Variants in C10orf67 observed in about 807,000 individuals in gnomAD.
C10orf67 encodes the protein chromosome 10 open reading frame 67.
Under a neutral mutation model 35.6 loss-of-function variants are expected in C10orf67, and 60 were observed. The ratio of observed to expected loss-of-function variants is 1.68; its 90% CI spans 1.37 to 2.09. The LOEUF (loss-of-function observed/expected upper bound fraction) is 2.09. Ranked by LOEUF, C10orf67 falls within the 30% of genes most tolerant of loss-of-function variation. C10orf67 has a pLI of 0.00. For missense variants in C10orf67, 474 were observed against 330.2 expected (o/e 1.44, Z -3.38); for synonymous variants, 167 against 115.8 (o/e 1.44, Z -2.84).
intron 1 of C10orf67, among the ~76,000 whole-genome samples, chr10:23,335,819 CAT>C (rs1845657241): frequency 1.3e-5 from 2 of 152,278 alleles, no homozygotes; most frequent in Admixed American, 6.5e-5. Context: ...GTAACTTACT[CAT>C]GTGTCACATA....
chr10:23,339,608 G>A (rs964129512), intron 1 of C10orf67, among the ~76,000 whole-genome samples: 5 of 152,090 alleles, frequency 3.3e-5, no homozygotes, highest in Admixed American at 6.6e-5. Context: ...CTCCAAAGAG[G>A]TATCATTCCT....
chr10:23,309,618 T>G (rs1844420796), intron 4 of C10orf67, among the ~76,000 whole-genome samples: 1 of 152,196 alleles, frequency 6.6e-6, no homozygotes, highest in Non-Finnish European at 1.5e-5. Context: ...GAGAAAGTGA[T>G]GCAGGCTGTT....
chr10:23,284,160 G>C (rs1197430352), intron 7 of C10orf67, among the ~76,000 whole-genome samples: 4 of 149,864 alleles, frequency 2.7e-5, no homozygotes, highest in South Asian at 2.1e-4. Flanking sequence ...TTATCTGAAG[G>C]CTTCTGAGTT....
chr10:23,235,060 A>C (rs562620087), intron 13 of C10orf67, among the ~76,000 whole-genome samples: 13 of 151,312 alleles, frequency 8.6e-5, no homozygotes, highest in African/African-American at 2.4e-4. Flanking sequence ...AAATAAAAGG[A>C]TTTACATTAC....
chr10:23,269,706 AAC>A (rs1842968990), intron 8 of C10orf67, among the ~76,000 whole-genome samples: 1 of 152,088 alleles, frequency 6.6e-6, no homozygotes, highest in African/African-American at 2.4e-5. Context: ...AAAGGAATGC[AAC>A]ACAAACATAA....
At chr10:23,275,730 T>C (rs944594731) in intron 8 of C10orf67, among the ~76,000 whole-genome samples, 3 of 152,162 alleles carry the variant, frequency 2.0e-5, no homozygotes, top group Admixed American at 6.5e-5. Flanking sequence ...TTTCCCTTGA[T>C]GTTTGACTTT....
chr10:23,204,119 C>G lies in C10orf67; in HGVS notation c.*54G>C, dbSNP rs1358442016. ...CCGAGGGAGGCACCTTACACCAGGA[C>G]GGCGAGGCCACTCTTTCTGAGGCCC... On this transcript the variant is annotated 3_prime_UTR_variant, in exon 16 of 16. Coordinates refer to ENST00000636213, the MANE Select transcript of C10orf67 (RefSeq NM_001371909.1). 4 of 470,844 alleles carry G rather than the reference C, an allele frequency of 8.5e-6. No homozygotes were observed. Among genetic ancestry groups the G allele is most frequent in the Non-Finnish European group, 1.6e-5 (4 of 255,860 alleles). The allele number at this position is 470,844 out of a possible 1,614,324, so 29.2% of individuals were successfully genotyped here.
At chr10:23,251,286 T>C (rs1042234287) in intron 10 of C10orf67, among the ~76,000 whole-genome samples, 3 of 152,108 alleles carry the variant, frequency 2.0e-5, no homozygotes, top group Non-Finnish European at 2.9e-5. Context: ...TTTTTGTAAA[T>C]TGTAAATCGT....
At chr10:23,280,305 C>T (rs1158664906) in intron 8 of C10orf67, among the ~76,000 whole-genome samples, 1 of 152,134 alleles carries the variant, frequency 6.6e-6, no homozygotes, top group Non-Finnish European at 1.5e-5. Context: ...TACATTTTTA[C>T]AAAACGACTG....
At chr10:23,233,905 A>G (rs1841974498) in intron 13 of C10orf67, among the ~76,000 whole-genome samples, 1 of 152,246 alleles carries the variant, frequency 6.6e-6, no homozygotes, top group South Asian at 2.1e-4. Context: ...TACATGAGCC[A>G]GGAAACAAAC....
At chr10:23,313,544 C>G (rs1323306610) in intron 4 of C10orf67, among the ~76,000 whole-genome samples, 2 of 152,272 alleles carry the variant, frequency 1.3e-5, no homozygotes, top group East Asian at 3.9e-4. Flanking sequence ...GAGTAAGACT[C>G]GGTCCCTGCT....
chr10:23,322,301 C>A, intron 3 of C10orf67, 93 bp downstream of exon 3: 1 of 1,306,728 alleles, frequency 7.7e-7, no homozygotes. Flanking sequence ...AATTACACTG[C>A]CCTCACAAGT....
At chr10:23,270,671 C>G (rs1301249476) in intron 8 of C10orf67, among the ~76,000 whole-genome samples, 1 of 152,202 alleles carries the variant, frequency 6.6e-6, no homozygotes, top group Non-Finnish European at 1.5e-5. Flanking sequence ...CTGGAGACGG[C>G]CTGAGATGGA....
chr10:23,316,684 G>C (rs1844723275), intron 4 of C10orf67: 1 of 152,826 alleles, frequency 6.5e-6, no homozygotes, highest in Admixed American at 6.5e-5. Context: ...CCCAGCATCT[G>C]CTCAGCTCCC....
chr10:23,226,488 G>A (rs573652683), intron 13 of C10orf67, among the ~76,000 whole-genome samples: 10 of 152,120 alleles, frequency 6.6e-5, no homozygotes, highest in Non-Finnish European at 1.3e-4. Flanking sequence ...GAGAAAGCAG[G>A]AAAGATCTAA....
chr10:23,315,895 T>G (rs1035160636), intron 4 of C10orf67, among the ~76,000 whole-genome samples: 1 of 152,130 alleles, frequency 6.6e-6, no homozygotes, highest in Non-Finnish European at 1.5e-5. Context: ...CATGGCTCAC[T>G]GTAACGTCAG....
intron 4 of C10orf67, among the ~76,000 whole-genome samples, chr10:23,308,776 T>G (rs1844384407): frequency 6.6e-6 from 1 of 152,136 alleles, no homozygotes; most frequent in Non-Finnish European, 1.5e-5. Flanking sequence ...ATACCTGAAT[T>G]GTGAGAATTA....
intron 10 of C10orf67, chr10:23,258,383 C>T (rs946837146): frequency 4.7e-5 from 8 of 169,672 alleles, no homozygotes; most frequent in African/African-American, 1.2e-4. Flanking sequence ...CTGATTGGCA[C>T]CTTTCTATTA....
chr10:23,316,518 C>A (rs117467621), intron 4 of C10orf67, among the ~76,000 whole-genome samples: 2,619 of 152,296 alleles, frequency 0.017, 35 homozygotes, highest in Middle Eastern at 0.089. Context: ...TTTTTAGTCC[C>A]ACCATTTGGT....
Sources: allele counts gnomAD v4.1 joint callset (sites outside exome capture counted in the v4.1 genomes callset), GRCh38; gene constraint gnomAD v4.1.1; transcripts MANE v1.5; gene names NCBI Gene and HGNC (gene_info 2026-07-23, HGNC 2026-07-21).